Variants in STXBP5L observed in about 807,000 individuals in gnomAD.
The protein encoded by STXBP5L is syntaxin-binding protein 5-like.
STXBP5L carries 65 observed loss-of-function variants against 144.5 expected under a neutral mutation model. The observed-to-expected ratio is 0.45, with a 90% confidence interval of 0.37 to 0.55. STXBP5L has a LOEUF of 0.55. Ranked by LOEUF, STXBP5L falls within the 20% of genes least tolerant of loss-of-function variation. STXBP5L has a pLI of 0.00. For synonymous variants in STXBP5L, 505 were observed against 469.6 expected (o/e 1.08, Z -0.97); for missense variants, 1,298 against 1,405.5 (o/e 0.92, Z 1.22).
chr3:121,210,862 T>C (rs536800466), intron 10 of STXBP5L, among the ~76,000 whole-genome samples: 86 of 152,280 alleles, frequency 5.6e-4, no homozygotes, highest in Middle Eastern at 3.4e-3. Flanking sequence ...AGTCAAGTAG[T>C]GTGATGCCTC....
intron 7 of STXBP5L, among the ~76,000 whole-genome samples, chr3:121,124,869 A>C (rs2044632137): frequency 1.3e-5 from 2 of 152,130 alleles, no homozygotes. Flanking sequence ...CGATTTCAGC[A>C]TTAAGTAAAA....
intron 3 of STXBP5L, among the ~76,000 whole-genome samples, chr3:120,961,597 T>A (rs867233177): frequency 2.6e-4 from 39 of 152,280 alleles, no homozygotes; most frequent in Middle Eastern, 3.4e-3. Flanking sequence ...TGCGAAGGGC[T>A]AGAACTCATC....
rs577441234 is a variant in STXBP5L at position 121,257,183 on chromosome 3, A to G, written c.1682A>G (p.Tyr561Cys). ...EIVSLEVRLQ[Y>C]DVEDIITPEP... The stretch of plus-strand genomic sequence containing the variant: ...AAGTCATTAGAGGTACGACTTCAGT[A>G]TGATGTTGAAGATATTATTACCCCT... Residue 561 changes from tyrosine to cysteine, a missense_variant, in exon 17 of 27, where the codon TAT becomes TGT. By Grantham distance (194) the Tyr-to-Cys change is radical. Coordinates refer to ENST00000471454, the MANE Select transcript of STXBP5L (RefSeq NM_001308330.2). The G allele has an allele frequency of 6.8e-5, 109 of 1,611,854 alleles. 1 individual carries two copies. The South Asian group carries it at 1.1e-3, about 17-fold the overall frequency.
intron 3 of STXBP5L, among the ~76,000 whole-genome samples, chr3:121,014,545 G>C (rs990838580): frequency 6.6e-6 from 1 of 151,886 alleles, no homozygotes; most frequent in African/African-American, 2.4e-5. Flanking sequence ...GTCACAGTTT[G>C]CTTATTTTTT....
chr3:121,042,145 A>G (rs1251986379), intron 4 of STXBP5L, among the ~76,000 whole-genome samples: 1 of 151,992 alleles, frequency 6.6e-6, no homozygotes, highest in African/African-American at 2.4e-5. Flanking sequence ...TTCATATTTT[A>G]TCTTTATCTT....
At chr3:121,105,520 C>G (rs1186156632) in intron 5 of STXBP5L, among the ~76,000 whole-genome samples, 2 of 152,102 alleles carry the variant, frequency 1.3e-5, no homozygotes, top group Non-Finnish European at 2.9e-5. Flanking sequence ...CACCTTACTC[C>G]TGCAATAATG....
chr3:121,097,667 A>G (rs575885534), intron 5 of STXBP5L, among the ~76,000 whole-genome samples: 13 of 152,264 alleles, frequency 8.5e-5, no homozygotes, highest in African/African-American at 3.1e-4. Context: ...ATTCCCAGTG[A>G]GATGAACCGG....
At chr3:120,963,987 T>G (rs1041425254) in intron 3 of STXBP5L, among the ~76,000 whole-genome samples, 1 of 152,216 alleles carries the variant, frequency 6.6e-6, no homozygotes, top group African/African-American at 2.4e-5. Flanking sequence ...GACTTCTTCC[T>G]GGCTTAGTGT....
intron 5 of STXBP5L, among the ~76,000 whole-genome samples, chr3:121,052,785 A>T (rs1336985940): frequency 6.6e-6 from 1 of 152,178 alleles, no homozygotes; most frequent in African/African-American, 2.4e-5. Flanking sequence ...GTATTCAATT[A>T]GGAAAAGAGA....
intron 5 of STXBP5L, among the ~76,000 whole-genome samples, chr3:121,065,742 T>C (rs2041513142): frequency 6.6e-6 from 1 of 152,114 alleles, no homozygotes; most frequent in South Asian, 2.1e-4. Context: ...AAATATATAT[T>C]ATTAGCTGAC....
At chr3:121,330,879 A>G (rs1159427662) in intron 20 of STXBP5L, among the ~76,000 whole-genome samples, 2 of 152,220 alleles carry the variant, frequency 1.3e-5, no homozygotes, top group Non-Finnish European at 2.9e-5. Context: ...AAGCCTATTT[A>G]TAACCAAGGA....
intron 9 of STXBP5L, among the ~76,000 whole-genome samples, chr3:121,174,266 C>A (rs1279867680): frequency 6.6e-6 from 1 of 151,916 alleles, no homozygotes; most frequent in African/African-American, 2.4e-5. Flanking sequence ...ATTTTAACTT[C>A]TATGATAGAT....
At chr3:121,374,165 T>C (rs1031528987) in intron 20 of STXBP5L, among the ~76,000 whole-genome samples, 1 of 152,124 alleles carries the variant, frequency 6.6e-6, no homozygotes, top group Admixed American at 6.5e-5. Context: ...AACTGCAGCC[T>C]ATGCCACTAA....
chr3:121,324,448 G>A (rs758523056), intron 20 of STXBP5L: 16 of 653,388 alleles, frequency 2.4e-5, no homozygotes, highest in Non-Finnish European at 4.1e-5. Flanking sequence ...GGTTCACTTA[G>A]GCTAAGGTAC....
intron 5 of STXBP5L, chr3:121,049,853 G>A (rs1947821206): frequency 6.6e-6 from 1 of 152,630 alleles, no homozygotes. Context: ...GTGAGTACCT[G>A]AGTGATGGCT....
intron 3 of STXBP5L, among the ~76,000 whole-genome samples, chr3:121,014,589 G>A (rs1007600192): frequency 3.3e-5 from 5 of 149,640 alleles, no homozygotes; most frequent in African/African-American, 1.2e-4. Flanking sequence ...CTATCTTTTG[G>A]CTATTATGAA....
chr3:121,046,978 A>G (rs1203646505), intron 5 of STXBP5L, among the ~76,000 whole-genome samples: 3 of 151,724 alleles, frequency 2.0e-5, no homozygotes, highest in Non-Finnish European at 4.4e-5. Flanking sequence ...TGAATTTTTG[A>G]TGTGGACCTT....
chr3:121,146,740 T>C (rs1442796210), intron 7 of STXBP5L, among the ~76,000 whole-genome samples: 2 of 152,082 alleles, frequency 1.3e-5, no homozygotes, highest in African/African-American at 4.8e-5. Context: ...TTTTTAAGGA[T>C]AATATTTTAT....
intron 5 of STXBP5L, among the ~76,000 whole-genome samples, chr3:121,062,080 T>C (rs575804670): frequency 9.8e-5 from 15 of 152,286 alleles, no homozygotes; most frequent in Non-Finnish European, 1.9e-4. Flanking sequence ...TACAATTTGG[T>C]ATGTTTTTGC....
Sources: allele counts gnomAD v4.1 joint callset (sites outside exome capture counted in the v4.1 genomes callset), GRCh38; gene constraint gnomAD v4.1.1; transcripts MANE v1.5; gene names NCBI Gene and HGNC (gene_info 2026-07-23, HGNC 2026-07-21).